Variants in PTPRU observed in about 807,000 individuals in gnomAD.
PTPRU encodes protein tyrosine phosphatase receptor type U, also known as receptor-type tyrosine-protein phosphatase U.
A neutral mutation model predicts 166.3 loss-of-function variants in PTPRU; 69 were observed. The observed-to-expected ratio is 0.41, with a 90% confidence interval of 0.34 to 0.51. The LOEUF (loss-of-function observed/expected upper bound fraction) is 0.51. PTPRU is among the 20% of genes least tolerant of loss of function. The pLI, the probability that PTPRU is intolerant of heterozygous loss-of-function variation, is 0.09. For missense variants in PTPRU, 1,657 were observed against 2,013.7 expected (o/e 0.82, Z 3.39); for synonymous variants, 793 against 814.0 (o/e 0.97, Z 0.44).
intron 7 of PTPRU, among the ~76,000 whole-genome samples, chr1:29,263,256 A>G (rs1178339539): frequency 2.0e-5 from 3 of 152,358 alleles, no homozygotes; most frequent in East Asian, 3.9e-4. Context: ...AAGTGCTGGG[A>G]TTACAGGCGT....
At chr1:29,283,006 A>G (rs777637440) in intron 12 of PTPRU, 57 bp downstream of exon 12, 5 of 1,590,032 alleles carry the variant, frequency 3.1e-6, no homozygotes, top group Non-Finnish European at 4.3e-6. Context: ...GATGGCAGAC[A>G]GGAGATACCT....
At chr1:29,243,527 C>T (rs1227498201) in intron 1 of PTPRU, among the ~76,000 whole-genome samples, 9 of 152,260 alleles carry the variant, frequency 5.9e-5, no homozygotes, top group African/African-American at 1.4e-4. Flanking sequence ...CTTCTCACCT[C>T]GTGGTGGGGG....
chr1:29,292,861 G>T (rs1456698383), intron 15 of PTPRU, among the ~76,000 whole-genome samples: 2 of 147,346 alleles, frequency 1.4e-5, no homozygotes, highest in African/African-American at 2.5e-5. Context: ...TATCACCCAG[G>T]CTGGAGTGCA....
At chr1:29,313,283 CCTTTGTGG>C (rs1183393846) in intron 22 of PTPRU, among the ~76,000 whole-genome samples, 2 of 152,152 alleles carry the variant, frequency 1.3e-5, no homozygotes, top group East Asian at 3.9e-4. Context: ...TAACCCCCAA[CCTTTGTGG>C]CTTTGTCCAT....
intron 5 of PTPRU, 103 bp downstream of exon 5, chr1:29,259,667 C>A: frequency 1.6e-6 from 2 of 1,282,432 alleles, no homozygotes; most frequent in Non-Finnish European, 2.1e-6. Flanking sequence ...GCTTCATACT[C>A]CAGCACTGCG....
intron 7 of PTPRU, among the ~76,000 whole-genome samples, chr1:29,270,173 A>G (rs1020485927): frequency 1.3e-5 from 2 of 152,204 alleles, no homozygotes; most frequent in Non-Finnish European, 2.9e-5. Flanking sequence ...GTTAATGCAC[A>G]CATGTTTATT....
rs569273134 is a variant in PTPRU at position 29,247,557 on chromosome 1, T to G, written c.74-7718T>G. On this transcript the variant is annotated intron_variant, in intron 1 of 29. Coordinates refer to ENST00000373779, the MANE Select transcript of PTPRU (RefSeq NM_133178.4). Reference sequence around the variant, plus strand: ...TGTGCACAGCCCCATGCCCCTCTACTCTATACTCTGTCTTCGTATGTCGCA... The same window carrying G: ...TGTGCACAGCCCCATGCCCCTCTACGCTATACTCTGTCTTCGTATGTCGCA... Among the ~76,000 whole-genome samples the G allele has an allele frequency of 5.9e-5, 9 of 152,340 alleles. No homozygotes were observed. The East Asian group carries it at 1.7e-3, about 29-fold the overall frequency.
rs746238347 is a variant in PTPRU, at chr1:29,304,787, G to T, written c.2681G>T (p.Gly894Val). The T allele has an allele frequency of 7.4e-6, 12 of 1,611,840 alleles. No individual in the cohort carries two copies. Among genetic ancestry groups the T allele is most frequent in the Non-Finnish European group, 1.0e-5 (12 of 1,178,330 alleles). Residue 894 changes from glycine (G) to valine (V), a missense_variant, in exon 17 of 30, where the codon GGC becomes GTC. By Grantham distance (109) the Gly-to-Val change is moderately radical (BLOSUM62 -3). This residue lies in a region of PTPRU where 1,190 missense variants were observed against 1,477.4 expected (regional missense o/e 0.81). Coordinates refer to ENST00000373779, the MANE Select transcript of PTPRU (RefSeq NM_133178.4). Reference protein sequence around the residue: ...FKQEYESFFEGWDATKKKDKV... With the variant: ...FKQEYESFFEVWDATKKKDKV... Reference sequence around the variant, plus strand: ...TCTTTCTGGTAGAGCTTCTTTGAAGGCTGGGACGCCACAAAGAAGAAAGAC... The same window carrying T: ...TCTTTCTGGTAGAGCTTCTTTGAAGTCTGGGACGCCACAAAGAAGAAAGAC...
chr1:29,303,565 C>T (rs970925745), intron 15 of PTPRU, among the ~76,000 whole-genome samples: 8 of 152,184 alleles, frequency 5.3e-5, no homozygotes, highest in Non-Finnish European at 1.2e-4. Context: ...GGTGAAGCCT[C>T]GCTGGATAGA....
Position 29,275,429 on chromosome 1 carries a change from T to C in PTPRU, c.1145-19T>C. ...CCCATTTCTTCTAACTTCTTCTCTCTGCTTCCTGCATTCTCCAGAGCCCAT... is the reference window on the plus strand; with the variant it reads ...CCCATTTCTTCTAACTTCTTCTCTCCGCTTCCTGCATTCTCCAGAGCCCAT... On this transcript the variant is annotated intron_variant, in intron 7 of 29. Coordinates refer to ENST00000373779, the MANE Select transcript of PTPRU (RefSeq NM_133178.4). 1.3e-6 allele frequency: 2 copies of C among 1,591,338 alleles called. No individual in the cohort carries two copies. The highest frequency in any genetic ancestry group is 1.1e-5 in the South Asian group (1 of 90,362).
rs542645920 is a variant in PTPRU at position 29,282,991 on chromosome 1, G to C, written c.2142+42G>C. 2.2e-5 allele frequency: 21 copies of C among 975,512 alleles called. No homozygotes were observed. The South Asian group carries it at 4.1e-4, about 19-fold the overall frequency. The allele number at this position is 975,512 out of a possible 1,614,324, so 60.4% of individuals were successfully genotyped here. ...GGTCATGGTGGGCGTGGTTGGGTGT[G>C]GGGGGATGGCAGACAGGAGATACCT... is the stretch of plus-strand genomic sequence containing the variant. On this transcript the variant is annotated intron_variant, in intron 12 of 29. Transcript: ENST00000373779.
chr1:29,323,859 G>T (rs1688281612), intron 28 of PTPRU, 71 bp downstream of exon 28: 1 of 1,549,946 alleles, frequency 6.5e-7, no homozygotes, highest in Non-Finnish European at 8.7e-7. Flanking sequence ...AGTCTGAAAG[G>T]GTGCCAGCTT....
At chr1:29,324,257 T>G (rs1442648677) in intron 28 of PTPRU, among the ~76,000 whole-genome samples, 1 of 152,204 alleles carries the variant, frequency 6.6e-6, no homozygotes, top group Non-Finnish European at 1.5e-5. Flanking sequence ...GCTCCCCACT[T>G]TTTCATGCTT....
chr1:29,287,445 A>G (rs1210136995), intron 14 of PTPRU, among the ~76,000 whole-genome samples: 1 of 152,030 alleles, frequency 6.6e-6, no homozygotes, highest in African/African-American at 2.4e-5. Flanking sequence ...TCTTGTCTAT[A>G]TCTCCACAGT....
chr1:29,317,203 C>T lies in PTPRU; in HGVS notation c.3514-545C>T, dbSNP rs1006113407. 4.6e-5 allele frequency among the ~76,000 whole-genome samples: 7 copies of T among 152,052 alleles called. No homozygotes were observed. In the East Asian group the frequency reaches 5.8e-4, roughly 13 times the overall value. ...AGGCATGCGGGCGGAGGAGATGCCC[C>T]GGAGATCCAGGTGTGATTCAGTGCC... is the stretch of plus-strand genomic sequence containing the variant. On this transcript the variant is annotated intron_variant, in intron 24 of 29. Coordinates refer to ENST00000373779, the MANE Select transcript of PTPRU (RefSeq NM_133178.4). The surrounding 1 kb of genome is among the most constrained non-coding windows in gnomAD (Gnocchi z 5.6).
intron 14 of PTPRU, among the ~76,000 whole-genome samples, chr1:29,288,091 A>G (rs1686444269): frequency 1.3e-5 from 2 of 152,196 alleles, no homozygotes; most frequent in Admixed American, 1.3e-4. Flanking sequence ...CAGGGATTAT[A>G]GGCCTACCTG....
chr1:29,265,262 C>A (rs972877161), intron 7 of PTPRU, among the ~76,000 whole-genome samples: 2 of 152,174 alleles, frequency 1.3e-5, no homozygotes, highest in Non-Finnish European at 2.9e-5. Flanking sequence ...TTAGTGTTGT[C>A]ACTATTTTTT....
chr1:29,273,094 G>C (rs1574644196), intron 7 of PTPRU, among the ~76,000 whole-genome samples: 1 of 152,016 alleles, frequency 6.6e-6, no homozygotes, highest in Admixed American at 6.6e-5. Flanking sequence ...GAATCAGAGT[G>C]TAAGAGAGAA....
At chr1:29,263,484 T>C (rs192982942) in intron 7 of PTPRU, among the ~76,000 whole-genome samples, 1 of 152,252 alleles carries the variant, frequency 6.6e-6, no homozygotes. Flanking sequence ...TGTACAGGTT[T>C]TTATATTGAT....
Sources: gnomAD v4.1 joint callset for allele counts (sites outside exome capture counted in the v4.1 genomes callset) on GRCh38, gnomAD v4.1.1 for gene constraint, gnomAD v4.1.1 regional missense constraint, Gnocchi (gnomAD v3.1) non-coding constraint, MANE v1.5 for transcripts, NCBI Gene and HGNC (gene_info 2026-07-23, HGNC 2026-07-21) for gene names.